The following AGO2 variants were observed in gnomAD, a reference collection of about 807,000 sequenced individuals.
AGO2 encodes the protein protein argonaute-2.
Under a neutral mutation model 102.3 loss-of-function variants are expected in AGO2, and 5 were observed. The observed-to-expected ratio is 0.05, with a 90% CI of 0.03 to 0.10. The LOEUF (loss-of-function observed/expected upper bound fraction) is 0.10, where lower values mean the gene tolerates loss of function less well. Ranked by LOEUF, AGO2 falls within the 10% of genes least tolerant of loss-of-function variation. The pLI is 1.00. For synonymous variants in AGO2, 449 were observed against 473.1 expected, an observed-to-expected ratio of 0.95 and a Z score of 0.66; for missense variants, 541 against 1,183.7, an observed-to-expected ratio of 0.46 and a Z score of 7.97.
At chr8:140,556,373 GCTCTGCTTGGGACCGT>G (rs1210849304) in intron 8 of AGO2, 87 bp from the exon 9 acceptor site, 13 of 1,548,288 alleles carry the variant, frequency 8.4e-6, no homozygotes, top group Non-Finnish European at 1.1e-5. Context: ...TGGTGGCCTG[GCTCTGCTTGGGACCGT>G]CTCTGCCTCA....
chr8:140,564,636 A>C (rs892938934), intron 3 of AGO2, among the ~76,000 whole-genome samples: 1 of 152,208 alleles, frequency 6.6e-6, no homozygotes, highest in African/African-American at 2.4e-5. Flanking sequence ...CCTCCAGCTT[A>C]AGCATGTAAG....
intron 2 of AGO2, 75 bp from the exon 3 acceptor site, chr8:140,573,007 C>T: frequency 4.9e-6 from 7 of 1,436,294 alleles, no homozygotes; most frequent in East Asian, 2.4e-5. Flanking sequence ...TTTTCTGACG[C>T]TATTTTTTTT....
At chr8:140,616,948 T>C (rs2152104714) in intron 1 of AGO2, among the ~76,000 whole-genome samples, 1 of 152,336 alleles carries the variant, frequency 6.6e-6, no homozygotes, top group Non-Finnish European at 1.5e-5. Context: ...TGTCCATCCC[T>C]GGCCCCGCTC....
chr8:140,562,637 G>T lies in AGO2; in HGVS notation c.337-3C>A, dbSNP rs747892834. On this transcript the variant is annotated splice_polypyrimidine_tract_variant and splice_region_variant and intron_variant, in intron 3 of 18. Coordinates refer to ENST00000220592, the MANE Select transcript of AGO2 (RefSeq NM_012154.5). The stretch of plus-strand genomic sequence containing the variant: ...GGCAGCGTGACCTCCAGCTCCACCT[G>T]CGAGGATCCAAGGCACACAAGGTTA... 6.2e-6 allele frequency: 10 copies of T among 1,612,696 alleles called. No individual in the cohort carries two copies. Among genetic ancestry groups the T allele is most frequent in the African/African-American group, 1.3e-5 (1 of 74,920 alleles).
At chr8:140,635,637 T>G, upstream of AGO2, 1 of 547,420 alleles carries the variant, frequency 1.8e-6, no homozygotes, top group Non-Finnish European at 2.3e-6. Flanking sequence ...CAAACAGGTT[T>G]ACCCGACGCG....
At chr8:140,593,885 A>C (rs2073782800) in intron 1 of AGO2, among the ~76,000 whole-genome samples, 1 of 152,182 alleles carries the variant, frequency 6.6e-6, no homozygotes, top group African/African-American at 2.4e-5. Context: ...CGCTGCCTTG[A>C]ATCGATAACA....
At chr8:140,578,333 GT>G (rs1159938101) in intron 2 of AGO2, among the ~76,000 whole-genome samples, 1 of 152,206 alleles carries the variant, frequency 6.6e-6, no homozygotes, top group East Asian at 1.9e-4. Context: ...TTTCAACTAA[GT>G]GTTCAGTTCA....
At chr8:140,562,068 C>T (rs3928672) in intron 4 of AGO2, among the ~76,000 whole-genome samples, 31,018 of 152,158 alleles carry the variant, frequency 0.2, 3,423 homozygotes, top group East Asian at 0.28. Context: ...CAAAAAGCAG[C>T]GGTGATGGTC....
chr8:140,552,740 G>GCA (rs58668484), intron 10 of AGO2, among the ~76,000 whole-genome samples: 42 of 130,968 alleles, frequency 3.2e-4, no homozygotes, highest in South Asian at 1.9e-3. Context: ...GCGCGCGCGC[G>GCA]CACACACACA....
At chr8:140,624,740 A>G (rs1211142451) in intron 1 of AGO2, among the ~76,000 whole-genome samples, 3 of 152,224 alleles carry the variant, frequency 2.0e-5, no homozygotes, top group African/African-American at 7.2e-5. Context: ...TGCGGGGCAT[A>G]TAAGGAGCAC....
intron 3 of AGO2, among the ~76,000 whole-genome samples, chr8:140,565,453 A>AC (rs2073267264): frequency 1.4e-5 from 2 of 147,586 alleles, no homozygotes; most frequent in African/African-American, 2.5e-5. Context: ...AAAAAAAAAA[A>AC]CCCAAAAACC....
In AGO2 at chr8:140,596,065, T is replaced by C. The variant is rs776923498; in HGVS notation, c.23-10754A>G. On this transcript the variant is annotated intron_variant, in intron 1 of 18. Transcript: ENST00000220592. ...AGCCCTCCTGTGTTGTCCAGACTGG[T>C]CTCAAACTCTTGGGTTCAAGCGATC... Among the ~76,000 whole-genome samples the C allele has an allele frequency of 6.7e-4, 97 of 145,254 alleles. 1 individual carries two copies. Among genetic ancestry groups the C allele is most frequent in the Non-Finnish European group, 1.2e-3 (83 of 67,122 alleles).
In AGO2 at chr8:140,527,201, C is replaced by G. The variant is rs1005854187; in HGVS notation, c.*4843G>C. 4.6e-5 allele frequency: 7 copies of G among 152,214 alleles called. No individual in the cohort carries two copies. The highest frequency in any genetic ancestry group is 2.0e-4 in the Admixed American group (3 of 15,294). 9.4% of individuals were successfully genotyped at this position (152,214 alleles called of 1,614,324 possible). On this transcript the variant is annotated 3_prime_UTR_variant, in exon 19 of 19. Coordinates refer to ENST00000220592, the MANE Select transcript of AGO2 (RefSeq NM_012154.5). This position sits in a 1 kb window ranked among gnomAD's most constrained non-coding sequence, Gnocchi z 6.0. ...AGACCATGTTCTCCTAGTAACCGAT[C>G]TAGAACTTCCCTTCAGAAGAAAAAG... is the stretch of plus-strand genomic sequence containing the variant.
At chr8:140,590,780 C>T (rs972245411) in intron 1 of AGO2, among the ~76,000 whole-genome samples, 7 of 152,274 alleles carry the variant, frequency 4.6e-5, no homozygotes, top group South Asian at 4.1e-4. Context: ...AGTGTGGCAA[C>T]GGGGAGCTGG....
At chr8:140,635,804 G>C (rs1316228755), upstream of AGO2, among the ~76,000 whole-genome samples, 6 of 143,974 alleles carry the variant, frequency 4.2e-5, no homozygotes, top group Non-Finnish European at 9.3e-5. Context: ...CGGCGGCGGC[G>C]GCGGCGCCGG....
rs1334200434 is a variant in AGO2, at chr8:140,536,350, GGA to G, written c.2170-783_2170-782del. Among the ~76,000 whole-genome samples the G allele has an allele frequency of 2.7e-5, 4 of 147,364 alleles. No homozygotes were observed. The East Asian group carries it at 8.0e-4, about 29-fold the overall frequency. On this transcript the variant is annotated intron_variant, in intron 16 of 18. Transcript: ENST00000220592. ...AATTTTTTTTTTTTTTTTTTGAGAT[GGA>G]GTCTTGCTTTGCCACCCAGGCTGGA...
rs1437803416 is a variant in AGO2, at chr8:140,589,976, C to T, written c.23-4665G>A. Among the ~76,000 whole-genome samples the T allele has an allele frequency of 6.6e-6, 1 of 152,248 alleles. No individual in the cohort carries two copies. Among genetic ancestry groups the T allele is most frequent in the Non-Finnish European group, 1.5e-5 (1 of 68,042 alleles). ...TTGACGCTAAACACAGTCATGGCAG[C>T]TTTTTTGGTGAAATGGACAGAGACG... On this transcript the variant is annotated intron_variant, in intron 1 of 18. Transcript: ENST00000220592. The surrounding 1 kb of genome is among the most constrained non-coding windows in gnomAD (Gnocchi z 4.2).
At chr8:140,549,070 G>C (rs1474193137) in intron 12 of AGO2, 44 bp downstream of exon 12, 4 of 1,555,036 alleles carry the variant, frequency 2.6e-6, no homozygotes, top group Non-Finnish European at 2.6e-6. Context: ...CACCCACGGA[G>C]ACCACGACGG....
At chr8:140,615,069 A>G (rs1046352737) in intron 1 of AGO2, among the ~76,000 whole-genome samples, 1 of 152,198 alleles carries the variant, frequency 6.6e-6, no homozygotes, top group African/African-American at 2.4e-5. Flanking sequence ...CAAACACAGC[A>G]TTTAAAACGT....
Sources: allele counts gnomAD v4.1 joint callset (sites outside exome capture counted in the v4.1 genomes callset), GRCh38; gene constraint gnomAD v4.1.1; non-coding constraint Gnocchi (gnomAD v3.1); transcripts MANE v1.5; gene names NCBI Gene and HGNC (gene_info 2026-07-23, HGNC 2026-07-21).